Variants in ELAPOR2 observed in about 807,000 individuals in gnomAD.
ELAPOR2 encodes the protein endosome-lysosome associated apoptosis and autophagy regulator family member 2, also known as endosome/lysosome-associated apoptosis and autophagy regulator family member 2.
Under a neutral mutation model 120.7 loss-of-function variants are expected in ELAPOR2, and 89 were observed. The ratio of observed to expected loss-of-function variants is 0.74; its 90% CI spans 0.62 to 0.88. ELAPOR2 has a LOEUF of 0.88. ELAPOR2 is among the 40% of genes least tolerant of loss of function. ELAPOR2 has a pLI of 0.00. For synonymous variants in ELAPOR2, 444 were observed against 444.9 expected (o/e 1.00, Z 0.03); for missense variants, 1,134 against 1,251.6 (o/e 0.91, Z 1.42).
chr7:86,934,725 T>A (rs563469243), intron 8 of ELAPOR2, among the ~76,000 whole-genome samples: 41 of 152,148 alleles, frequency 2.7e-4, no homozygotes, highest in Non-Finnish European at 5.7e-4. Context: ...CAGATTCACA[T>A]AGCTAGCCCA....
chr7:87,031,227 A>C (rs1333582110), intron 1 of ELAPOR2, among the ~76,000 whole-genome samples: 1 of 152,196 alleles, frequency 6.6e-6, no homozygotes, highest in African/African-American at 2.4e-5. Flanking sequence ...CAAATGTTAA[A>C]TTTAACTCCT....
At chr7:87,028,404 C>T (rs1045397411) in intron 1 of ELAPOR2, among the ~76,000 whole-genome samples, 3 of 152,130 alleles carry the variant, frequency 2.0e-5, no homozygotes, top group African/African-American at 4.8e-5. Flanking sequence ...GGGACACCAT[C>T]GTCCATTGGT....
rs754873638 is a variant in ELAPOR2, at chr7:86,912,990, T to C, written c.1946A>G (p.Tyr649Cys). The change falls in exon 14 of 22, where the codon TAT becomes TGT. Residue 649 changes from tyrosine to cysteine, a missense_variant. Physicochemically the swap from Tyr to Cys is radical, Grantham distance 194 (BLOSUM62 -2). Transcript: ENST00000450689. ...GCATGGAATACAAGCCTCTTTGCCA[T>C]AGACCTGATGTATGGACAGGTAGGT... ...PDTYLSIHQV[Y>C]GKEACIPCGP... is the part of the protein sequence containing the mutation. The C allele has an allele frequency of 1.1e-5, 18 of 1,613,980 alleles. No homozygotes were observed. Among genetic ancestry groups the C allele is most frequent in the East Asian group, 4.5e-5 (2 of 44,866 alleles).
Position 86,878,008 on chromosome 7 carries a change from G to A in ELAPOR2, c.*2463C>T, listed in dbSNP as rs755253009. ...TCCATTGGAAAATTGATTTAAATAC[G>A]TTTTGACGAGTGCTAAGAGATGTTA... On this transcript the variant is annotated 3_prime_UTR_variant, in exon 22 of 22. Coordinates refer to ENST00000450689, the MANE Select transcript of ELAPOR2 (RefSeq NM_001142749.3). 3.3e-5 allele frequency: 5 copies of A among 152,076 alleles called. No homozygotes were observed. Among genetic ancestry groups the A allele is most frequent in the South Asian group, 2.1e-4 (1 of 4,828 alleles). The allele number at this position is 152,076 out of a possible 1,614,324, so 9.4% of individuals were successfully genotyped here.
chr7:86,924,778 T>C (rs1258547727), intron 10 of ELAPOR2, among the ~76,000 whole-genome samples: 1 of 151,938 alleles, frequency 6.6e-6, no homozygotes, highest in Non-Finnish European at 1.5e-5. Flanking sequence ...ATTTAAAACG[T>C]ATGTGTTAAA....
chr7:87,023,874 G>T (rs1288554520), intron 1 of ELAPOR2, among the ~76,000 whole-genome samples: 1 of 152,010 alleles, frequency 6.6e-6, no homozygotes, highest in Non-Finnish European at 1.5e-5. Context: ...TTTGTCTGTT[G>T]TTGGTGTATA....
chr7:86,921,893 T>C (rs1245718097), intron 10 of ELAPOR2, among the ~76,000 whole-genome samples: 5 of 152,064 alleles, frequency 3.3e-5, no homozygotes, highest in African/African-American at 9.7e-5. Context: ...GCTATCCAAT[T>C]GAGAAATATG....
intron 2 of ELAPOR2, among the ~76,000 whole-genome samples, chr7:86,963,516 C>T (rs1195822384): frequency 1.3e-5 from 2 of 152,252 alleles, no homozygotes; most frequent in African/African-American, 2.4e-5. Flanking sequence ...CAAAAGCCAG[C>T]GCTAGCCAAG....
At chr7:86,929,136 A>C (rs1405295352) in intron 8 of ELAPOR2, among the ~76,000 whole-genome samples, 2 of 151,964 alleles carry the variant, frequency 1.3e-5, no homozygotes, top group Non-Finnish European at 2.9e-5. Context: ...ACAGCATGAA[A>C]AAAAAACCAC....
intron 1 of ELAPOR2, among the ~76,000 whole-genome samples, chr7:87,015,931 T>C (rs1793853109): frequency 6.6e-6 from 1 of 152,106 alleles, no homozygotes; most frequent in African/African-American, 2.4e-5. Flanking sequence ...AGTTTCTTAA[T>C]TAAAGCACTG....
chr7:86,880,499 AG>A lies in ELAPOR2; in HGVS notation c.3061del (p.Leu1021Ter). On this transcript the variant is annotated frameshift_variant, in exon 22 of 22. Transcript: ENST00000450689. LOFTEE classifies it high-confidence loss of function. ...EKEDHFESVQ[L>X]KTSRSPNI is the part of the protein sequence containing the mutation. ...TATATTTGGGGATCTTGAGGTTTTC[AG>A]TTGAACAGATTCAAAATGGTCTTCT... The A allele has an allele frequency of 6.2e-7, 1 of 1,609,596 alleles. No individual in the cohort carries two copies. The highest frequency in any genetic ancestry group is 8.5e-7 in the Non-Finnish European group (1 of 1,176,192).
chr7:86,986,597 T>C (rs1342482659), intron 1 of ELAPOR2, among the ~76,000 whole-genome samples: 2 of 149,954 alleles, frequency 1.3e-5, no homozygotes, highest in African/African-American at 2.5e-5. Flanking sequence ...CCATTCACAA[T>C]TGCTTCAAAG....
At chr7:86,894,023 T>C (rs1252674485) in intron 19 of ELAPOR2, among the ~76,000 whole-genome samples, 1 of 152,110 alleles carries the variant, frequency 6.6e-6, no homozygotes, top group Admixed American at 6.6e-5. Context: ...TATATGATGG[T>C]CATTTTATCA....
intron 1 of ELAPOR2, among the ~76,000 whole-genome samples, chr7:87,041,713 A>C (rs1407907661): frequency 1.3e-5 from 2 of 151,990 alleles, no homozygotes; most frequent in Admixed American, 1.3e-4. Flanking sequence ...CTAACGAGCA[A>C]AATAACCAGC....
At chr7:87,029,776 T>C (rs1584016252) in intron 1 of ELAPOR2, among the ~76,000 whole-genome samples, 1 of 152,072 alleles carries the variant, frequency 6.6e-6, no homozygotes, top group African/African-American at 2.4e-5. Context: ...AGACAGGATA[T>C]CTACAATGCA....
chr7:86,902,481 T>C (rs1788772103), intron 18 of ELAPOR2, among the ~76,000 whole-genome samples: 1 of 151,978 alleles, frequency 6.6e-6, no homozygotes, highest in South Asian at 2.1e-4. Flanking sequence ...AGGCCTGGAG[T>C]CTCTTTTATA....
intron 1 of ELAPOR2, chr7:86,965,690 C>G (rs1791878146): frequency 2.6e-6 from 1 of 384,620 alleles, no homozygotes; most frequent in Admixed American, 6.4e-5. Flanking sequence ...CTCCCTTGGT[C>G]AGAGCACATT....
chr7:86,982,532 C>T (rs535773917), intron 1 of ELAPOR2, among the ~76,000 whole-genome samples: 1 of 152,328 alleles, frequency 6.6e-6, no homozygotes, highest in Admixed American at 6.5e-5. Flanking sequence ...CTGGTGATAA[C>T]CAGGCCAACA....
At chr7:86,891,211 T>A (rs1392782068) in intron 21 of ELAPOR2, 1 of 152,054 alleles carries the variant, frequency 6.6e-6, no homozygotes, top group Non-Finnish European at 1.5e-5. Context: ...TAATATCTTT[T>A]ATTAGCCCCC....
Sources: allele counts gnomAD v4.1 joint callset (sites outside exome capture counted in the v4.1 genomes callset), GRCh38; gene constraint gnomAD v4.1.1; transcripts MANE v1.5; gene names NCBI Gene and HGNC (gene_info 2026-07-23, HGNC 2026-07-21).